MED15: variants seen among roughly 807,000 people sequenced by gnomAD.
The protein encoded by MED15 is mediator of RNA polymerase II transcription subunit 15.
A neutral mutation model predicts 118.7 loss-of-function variants in MED15; 41 were observed. That is an observed-to-expected ratio of 0.35 (90% CI 0.27 to 0.45). The LOEUF is 0.45. Among genes scored for constraint, MED15 ranks in the 20% least tolerant of loss-of-function variants. The pLI, the probability that MED15 is intolerant of heterozygous loss-of-function variation, is 1.00. For synonymous variants in MED15, 436 were observed against 413.9 expected (o/e 1.05, Z -0.65); for missense variants, 740 against 1,025.5 (o/e 0.72, Z 3.80).
intron 8 of MED15, among the ~76,000 whole-genome samples, chr22:20,570,312 T>G (rs1023752886): frequency 5.3e-5 from 8 of 151,782 alleles, no homozygotes; most frequent in Non-Finnish European, 7.4e-5. Context: ...CATGAGCCAA[T>G]GCGCCCGGCT....
intron 1 of MED15, among the ~76,000 whole-genome samples, chr22:20,535,715 A>G (rs748954166): frequency 1.1e-4 from 16 of 150,892 alleles, no homozygotes; most frequent in Non-Finnish European, 2.2e-4. Context: ...GCCTGCCACC[A>G]TGCCCAGCTA....
intron 1 of MED15, among the ~76,000 whole-genome samples, chr22:20,529,148 TC>T (rs2054762161): frequency 6.6e-6 from 1 of 152,228 alleles, no homozygotes; most frequent in Non-Finnish European, 1.5e-5. Flanking sequence ...TTTCCATTCT[TC>T]CTGGTTTTTT....
intron 2 of MED15, among the ~76,000 whole-genome samples, chr22:20,539,286 A>G (rs1317736762): frequency 6.7e-6 from 1 of 148,684 alleles, no homozygotes; most frequent in African/African-American, 2.5e-5. Flanking sequence ...TTTAGTAGAG[A>G]TGGGTTTTGC....
chr22:20,512,012 A>T, intron 1 of MED15, among the ~76,000 whole-genome samples: 1 of 70,528 alleles, frequency 1.4e-5, no homozygotes, highest in Non-Finnish European at 2.5e-5. Flanking sequence ...TTTTGGAGAC[A>T]AGATCTTGCT....
intron 1 of MED15, chr22:20,522,952 C>T (rs1464634915): frequency 6.6e-6 from 1 of 152,224 alleles, no homozygotes; most frequent in African/African-American, 2.4e-5. Context: ...CCCGTCTCTC[C>T]CTCCTGTTTT....
chr22:20,509,087 G>A (rs1005889913), intron 1 of MED15, among the ~76,000 whole-genome samples: 18 of 152,076 alleles, frequency 1.2e-4, no homozygotes, highest in Non-Finnish European at 1.9e-4. Context: ...AAGCTGAGGA[G>A]TTAGGAAACA....
intron 5 of MED15, among the ~76,000 whole-genome samples, chr22:20,556,701 A>G (rs994971438): frequency 1.3e-5 from 2 of 152,112 alleles, no homozygotes; most frequent in Non-Finnish European, 2.9e-5. Context: ...CATCACCACA[A>G]TTGGCATGCG....
intron 1 of MED15, among the ~76,000 whole-genome samples, chr22:20,514,041 T>G (rs1197386659): frequency 6.6e-6 from 1 of 152,034 alleles, no homozygotes; most frequent in East Asian, 1.9e-4. Context: ...ATTTTTGTAT[T>G]TTGTGTAAGA....
intron 2 of MED15, among the ~76,000 whole-genome samples, chr22:20,543,638 AC>A (rs1328967337): frequency 6.7e-6 from 1 of 149,618 alleles, no homozygotes; most frequent in African/African-American, 2.5e-5. Context: ...GCTCATTGCA[AC>A]CCCCACCTCC....
intron 1 of MED15, among the ~76,000 whole-genome samples, chr22:20,531,360 G>GGT (rs1317870476): frequency 6.6e-6 from 1 of 152,226 alleles, no homozygotes; most frequent in Non-Finnish European, 1.5e-5. Context: ...CTCACTGCCT[G>GGT]GCCCTGTCTG....
At chr22:20,559,738 G>A (rs1390889636) in intron 5 of MED15, among the ~76,000 whole-genome samples, 4 of 152,226 alleles carry the variant, frequency 2.6e-5, no homozygotes, top group African/African-American at 9.6e-5. Flanking sequence ...ACTCAAGGAT[G>A]TGGAAAGCAA....
chr22:20,562,386 T>C (rs1418225153), intron 5 of MED15, among the ~76,000 whole-genome samples: 1 of 148,866 alleles, frequency 6.7e-6, no homozygotes, highest in Non-Finnish European at 1.5e-5. Flanking sequence ...TGTCATACTT[T>C]TTGTTGTTGT....
At chr22:20,513,967 G>T (rs930233970) in intron 1 of MED15, among the ~76,000 whole-genome samples, 1 of 152,088 alleles carries the variant, frequency 6.6e-6, no homozygotes, top group Admixed American at 6.5e-5. Context: ...AGGCTTAAGC[G>T]ATCCTCCCAC....
chr22:20,553,980 T>G (rs1003241754), intron 4 of MED15, among the ~76,000 whole-genome samples: 1 of 152,226 alleles, frequency 6.6e-6, no homozygotes, highest in Non-Finnish European at 1.5e-5. Flanking sequence ...GGGAAGGGGT[T>G]TAACAGATCC....
chr22:20,560,921 A>T (rs2056212366), intron 5 of MED15, among the ~76,000 whole-genome samples: 1 of 152,208 alleles, frequency 6.6e-6, no homozygotes, highest in Admixed American at 6.5e-5. Context: ...GTTAAAATAG[A>T]TCAACAAAAT....
intron 2 of MED15, among the ~76,000 whole-genome samples, chr22:20,543,111 TTGTG>T (rs61279859): frequency 0.035 from 4,991 of 141,050 alleles, 138 homozygotes; most frequent in African/African-American, 0.081. Flanking sequence ...TCTCTCTTCT[TTGTG>T]TGTGTGTGTG....
Position 20,586,460 on chromosome 22 carries a change from GT to G in MED15, c.2231-107del, listed in dbSNP as rs906118248. ...AGCGTGCAGGACACATCACCTCCTG[GT>G]GCTTCGGCCCGCGCCTGGGGCTACC... On this transcript the variant is annotated intron_variant, in intron 17 of 17. Transcript: ENST00000263205. 2.1e-4 allele frequency: 323 copies of G among 1,510,190 alleles called. 1 individual carries two copies. The Admixed American group carries it at 5.9e-3, about 27-fold the overall frequency. The allele number at this position is 1,510,190 out of a possible 1,614,324, so 93.5% of individuals were successfully genotyped here.
At chr22:20,548,375 G>C (rs948713040) in intron 2 of MED15, among the ~76,000 whole-genome samples, 3 of 152,158 alleles carry the variant, frequency 2.0e-5, no homozygotes, top group Non-Finnish European at 2.9e-5. Flanking sequence ...ATGTTGGCCA[G>C]GCTGGTCTTG....
Position 20,586,985 on chromosome 22 carries a change from ACCGTGGCCTGTCCACGGT to A in MED15, c.*284_*301del, listed in dbSNP as rs1463025447. Reference sequence around the variant, plus strand: ...CAGATGCGATCCTCAGGCTGCTCTCACCGTGGCCTGTCCACGGTCCAGGTCCATCTCAGCAGCGTGAGG... The same window carrying A: ...CAGATGCGATCCTCAGGCTGCTCTCACCAGGTCCATCTCAGCAGCGTGAGG... On this transcript the variant is annotated 3_prime_UTR_variant, in exon 18 of 18. Coordinates refer to ENST00000263205, the MANE Select transcript of MED15 (RefSeq NM_001003891.3). The A allele has an allele frequency of 1.9e-5, 10 of 520,784 alleles. No homozygotes were observed. The highest frequency in any genetic ancestry group is 3.1e-5 in the Non-Finnish European group (9 of 288,364). The allele number at this position is 520,784 out of a possible 1,614,324, so 32.3% of individuals were successfully genotyped here. A position where few individuals can be genotyped will look rare whatever the true frequency, so the allele number is the denominator to read the frequency against.
Sources: allele counts gnomAD v4.1 joint callset (sites outside exome capture counted in the v4.1 genomes callset), GRCh38; gene constraint gnomAD v4.1.1; transcripts MANE v1.5; gene names NCBI Gene and HGNC (gene_info 2026-07-23, HGNC 2026-07-21).